The following CD36 variants were observed in gnomAD, a reference collection of about 807,000 sequenced individuals.
CD36 encodes CD36 molecule (CD36 blood group).
CD36 carries 119 observed loss-of-function variants against 55.2 expected under a neutral mutation model. The ratio of observed to expected loss-of-function variants is 2.15; its 90% confidence interval spans 1.86 to 2.51. The LOEUF (loss-of-function observed/expected upper bound fraction) is 2.51, where lower values mean the gene tolerates loss of function less well. Among genes scored for constraint, CD36 ranks in the 30% most tolerant of loss-of-function variants. The pLI is 0.00. For synonymous variants in CD36, 186 were observed against 193.6 expected (o/e 0.96, Z 0.33); for missense variants, 819 against 555.5 (o/e 1.47, Z -4.77).
intron 9 of CD36, chr7:80,670,440 G>T: frequency 4.4e-6 from 1 of 227,482 alleles, no homozygotes; most frequent in Non-Finnish European, 8.7e-6. Context: ...GTATGCTTGT[G>T]GGTAGGCATT....
At chr7:80,641,791 TG>T (rs1159031911) in intron 1 of CD36, among the ~76,000 whole-genome samples, 1 of 152,060 alleles carries the variant, frequency 6.6e-6, no homozygotes, top group African/African-American at 2.4e-5. Flanking sequence ...CTTGCTCTAA[TG>T]TTCTAAACTG....
Position 80,663,049 on chromosome 7 carries a change from C to G in CD36, c.489C>G (p.Asn163Lys), listed in dbSNP as rs1258734747. The G allele has an allele frequency of 6.2e-7, 1 of 1,613,172 alleles. No individual in the cohort carries two copies. The highest frequency in any genetic ancestry group is 1.1e-5 in the South Asian group (1 of 91,064). Residue 163 changes from asparagine to lysine, a missense_variant, in exon 6 of 15, where the codon AAC becomes AAG. Transcript: ENST00000447544. ...AAATGATCCTCAATTCACTTATTAA[C>G]AAGTCAAAATCTTCTATGTTCCAAG... ...FVQMILNSLI[N>K]KSKSSMFQVR...
chr7:80,622,052 T>G (rs1793499602), intron 1 of CD36, among the ~76,000 whole-genome samples: 1 of 152,224 alleles, frequency 6.6e-6, no homozygotes, highest in Non-Finnish European at 1.5e-5. Flanking sequence ...CTTTAACCTT[T>G]TTTACAACCA....
rs886062449 is a variant in CD36, at chr7:80,602,266, G to A, written c.-297G>A. On this transcript the variant is annotated 5_prime_UTR_variant, in exon 1 of 14. Coordinates refer to the CD36 transcript ENST00000309881. ...TTGAGAGCCTGTGCCTCATTTCTGA[G>A]TTCTCAGCTGCTATGCCGTGGAAAT... is the stretch of plus-strand genomic sequence containing the variant. 1 of 152,134 alleles carries A rather than the reference G, an allele frequency of 6.6e-6. No individual in the cohort carries two copies. The highest frequency in any genetic ancestry group is 1.5e-5 in the Non-Finnish European group (1 of 68,018). 9.4% of individuals were successfully genotyped at this position (152,134 alleles called of 1,614,324 possible).
intron 1 of CD36, among the ~76,000 whole-genome samples, chr7:80,616,276 A>G (rs760602412): frequency 4.3e-4 from 66 of 152,138 alleles, no homozygotes; most frequent in South Asian, 8.3e-4. Context: ...TCTAATACAG[A>G]GCATATTTTA....
At chr7:80,622,840 G>A (rs977301764) in intron 1 of CD36, among the ~76,000 whole-genome samples, 3 of 152,124 alleles carry the variant, frequency 2.0e-5, no homozygotes, top group Admixed American at 1.3e-4. Flanking sequence ...TGAACTCCTT[G>A]AAACTACCTA....
chr7:80,653,152 G>T (rs1167041925), intron 3 of CD36, among the ~76,000 whole-genome samples: 1 of 152,146 alleles, frequency 6.6e-6, no homozygotes, highest in African/African-American at 2.4e-5. Context: ...TAGGGAAGAA[G>T]CCACTATACC....
upstream of CD36, among the ~76,000 whole-genome samples, chr7:80,635,141 G>C (rs1419599282): frequency 6.6e-6 from 1 of 152,138 alleles, no homozygotes; most frequent in East Asian, 1.9e-4. Flanking sequence ...TACTTCTGAG[G>C]AATACAATTG....
rs566465154 is a variant in CD36, at chr7:80,617,334, A to G, written c.-184+14955A>G. Among the ~76,000 whole-genome samples, 25 of 152,252 alleles carry G rather than the reference A, an allele frequency of 1.6e-4. No individual in the cohort carries two copies. The South Asian group carries it at 5.0e-3, about 30-fold the overall frequency. On this transcript the variant is annotated intron_variant, in intron 1 of 13. Coordinates refer to the CD36 transcript ENST00000309881. ...TCTATAGAACAAACCTCCATGACAC[A>G]GTTTACCTATGTAACAAACCTGCAT... is the stretch of plus-strand genomic sequence containing the variant.
chr7:80,621,744 G>A (rs1045353534), intron 1 of CD36, among the ~76,000 whole-genome samples: 12 of 152,170 alleles, frequency 7.9e-5, no homozygotes, highest in African/African-American at 2.2e-4. Flanking sequence ...TGAAAAAGAG[G>A]TATTATTCTA....
Position 80,611,740 on chromosome 7 carries a change from T to A in CD36, c.-184+9361T>A, listed in dbSNP as rs1024508037. Among the ~76,000 whole-genome samples the A allele has an allele frequency of 1.9e-4, 29 of 152,196 alleles. 1 individual carries two copies. The highest frequency in any genetic ancestry group is 3.8e-4 in the Non-Finnish European group (26 of 68,036). On this transcript the variant is annotated intron_variant, in intron 1 of 13. Transcript: ENST00000309881. ...ATAGAGATTTGCTCTGAATTAGATG[T>A]TGTCAGGAGGCAGGATAATTTTATG...
chr7:80,623,747 G>C (rs2115938669), intron 1 of CD36: 1 of 152,248 alleles, frequency 6.6e-6, no homozygotes, highest in Non-Finnish European at 1.5e-5. Flanking sequence ...TTGTTATGTG[G>C]TTCCTAGGAG....
chr7:80,669,327 G>A (rs1004260623), intron 8 of CD36, among the ~76,000 whole-genome samples: 33 of 152,270 alleles, frequency 2.2e-4, no homozygotes, highest in African/African-American at 7.2e-4. Context: ...TTTGAAATGT[G>A]CTGTAAATAT....
upstream of CD36, chr7:80,637,092 T>A (rs1224466672): frequency 6.6e-6 from 1 of 152,158 alleles, no homozygotes; most frequent in African/African-American, 2.4e-5. Context: ...TTCATTATAC[T>A]TTAGTCTTTT....
upstream of CD36, chr7:80,636,734 C>T (rs547443838): frequency 1.3e-5 from 2 of 152,164 alleles, no homozygotes; most frequent in South Asian, 4.1e-4. Flanking sequence ...ACACTCTTTA[C>T]TTTAAAATGG....
intron 1 of CD36, among the ~76,000 whole-genome samples, chr7:80,620,595 T>G (rs1793409965): frequency 6.6e-6 from 1 of 152,126 alleles, no homozygotes; most frequent in Admixed American, 6.5e-5. Flanking sequence ...TCTTGAGTTT[T>G]TATGGAAGCT....
At chr7:80,618,464 G>A (rs1326526437) in intron 1 of CD36, among the ~76,000 whole-genome samples, 1 of 152,140 alleles carries the variant, frequency 6.6e-6, no homozygotes. Context: ...TAGTGAGGAA[G>A]GCATATTGAA....
At chr7:80,624,916 T>G (rs1200101745) in intron 1 of CD36, 1 of 152,136 alleles carries the variant, frequency 6.6e-6, no homozygotes, top group Non-Finnish European at 1.5e-5. Context: ...CCTCCCCTGC[T>G]TTTGATGTTC....
At chr7:80,625,312 C>T (rs1280061140) in intron 1 of CD36, among the ~76,000 whole-genome samples, 1 of 152,046 alleles carries the variant, frequency 6.6e-6, no homozygotes, top group Non-Finnish European at 1.5e-5. Flanking sequence ...CTATTGGTTA[C>T]ATTTTATTTG....
Sources: allele counts gnomAD v4.1 joint callset (sites outside exome capture counted in the v4.1 genomes callset), GRCh38; gene constraint gnomAD v4.1.1; transcripts MANE v1.5; gene names NCBI Gene and HGNC (gene_info 2026-07-23, HGNC 2026-07-21).